The following AGBL4 variants were observed in gnomAD, a reference collection of about 807,000 sequenced individuals.
AGBL4 encodes the protein cytosolic carboxypeptidase 6.
AGBL4 carries 58 observed loss-of-function variants against 66.4 expected under a neutral mutation model. That is an observed-to-expected ratio of 0.87 (90% CI 0.71 to 1.09). The LOEUF (loss-of-function observed/expected upper bound fraction) is 1.09. Among genes scored for constraint, AGBL4 ranks in the 50% least tolerant of loss-of-function variants. AGBL4 has a pLI of 0.00. For missense variants in AGBL4, 579 were observed against 631.0 expected (o/e 0.92, Z 0.88); for synonymous variants, 234 against 222.9 (o/e 1.05, Z -0.44).
intron 3 of AGBL4, among the ~76,000 whole-genome samples, chr1:49,512,869 A>C (rs751546029): frequency 1.3e-5 from 2 of 151,962 alleles, no homozygotes; most frequent in African/African-American, 2.4e-5. Flanking sequence ...AAAAAAGTAG[A>C]ATAAAACTAC....
chr1:49,691,050 A>G (rs1646877291), intron 3 of AGBL4, among the ~76,000 whole-genome samples: 1 of 152,162 alleles, frequency 6.6e-6, no homozygotes, highest in Non-Finnish European at 1.5e-5. Flanking sequence ...GAGCATCAAT[A>G]ACAGGTTTTG....
chr1:48,692,305 A>G (rs1204232562), intron 6 of AGBL4, among the ~76,000 whole-genome samples: 1 of 152,178 alleles, frequency 6.6e-6, no homozygotes, highest in African/African-American at 2.4e-5. Flanking sequence ...TACGAGCTCT[A>G]AAGAGGCACT....
chr1:49,534,732 C>G (rs1651433951), intron 3 of AGBL4, among the ~76,000 whole-genome samples: 1 of 152,182 alleles, frequency 6.6e-6, no homozygotes, highest in Admixed American at 6.5e-5. Context: ...TGAAGCTGAA[C>G]ACTCCCTGTA....
intron 2 of AGBL4, among the ~76,000 whole-genome samples, chr1:49,817,449 G>T (rs975809368): frequency 6.6e-6 from 1 of 152,062 alleles, no homozygotes; most frequent in African/African-American, 2.4e-5. Flanking sequence ...AATTTTCCTT[G>T]AAAAATAGTC....
At position 48,538,892 on chromosome 1, in the gene AGBL4, G is replaced by A. The variant is rs530307313; in HGVS notation, c.1364+750C>T. Among the ~76,000 whole-genome samples, 4 of 152,320 alleles carry A rather than the reference G, an allele frequency of 2.6e-5. No individual in the cohort carries two copies. In the South Asian group the frequency reaches 6.2e-4, roughly 24 times the overall value. ...CATTGTCATGTCCTTCAAGTAGGATGGACCACTGAAGGAGTGGGAGATGAG... is the reference window on the plus strand; with the variant it reads ...CATTGTCATGTCCTTCAAGTAGGATAGACCACTGAAGGAGTGGGAGATGAG... On this transcript the variant is annotated intron_variant, in intron 12 of 13. Transcript: ENST00000371839.
intron 3 of AGBL4, among the ~76,000 whole-genome samples, chr1:49,413,727 T>C (rs763614623): frequency 1.3e-5 from 2 of 152,218 alleles, no homozygotes; most frequent in Non-Finnish European, 2.9e-5. Flanking sequence ...TTGCCTGATC[T>C]ATACAAGGCT....
chr1:49,466,635 A>G (rs539726501), intron 3 of AGBL4, among the ~76,000 whole-genome samples: 3 of 151,802 alleles, frequency 2.0e-5, no homozygotes, highest in Non-Finnish European at 4.4e-5. Context: ...TTCTGGCTCC[A>G]TTGAGTTTAT....
chr1:49,117,412 G>A (rs1009918172), intron 4 of AGBL4, among the ~76,000 whole-genome samples: 4 of 152,092 alleles, frequency 2.6e-5, no homozygotes, highest in Non-Finnish European at 4.4e-5. Flanking sequence ...TGTAAGGAGG[G>A]GATCCAGTTT....
At chr1:49,706,064 A>T (rs1216244208) in intron 2 of AGBL4, among the ~76,000 whole-genome samples, 1 of 152,154 alleles carries the variant, frequency 6.6e-6, no homozygotes, top group Non-Finnish European at 1.5e-5. Flanking sequence ...TGGACTCATA[A>T]AATGAATTGC....
chr1:49,735,309 GTGT>G (rs1558203513), intron 2 of AGBL4, among the ~76,000 whole-genome samples: 3 of 150,574 alleles, frequency 2.0e-5, no homozygotes, highest in African/African-American at 7.3e-5. Context: ...GTGTGTGTGT[GTGT>G]GTGTGTGTGT....
chr1:49,604,474 C>T (rs1282602326), intron 3 of AGBL4, among the ~76,000 whole-genome samples: 1 of 152,118 alleles, frequency 6.6e-6, no homozygotes, highest in African/African-American at 2.4e-5. Context: ...GGATATTAGT[C>T]TTTTGTCAGA....
At chr1:49,388,044 A>G (rs545868387) in intron 3 of AGBL4, among the ~76,000 whole-genome samples, 3 of 152,094 alleles carry the variant, frequency 2.0e-5, no homozygotes, top group African/African-American at 7.2e-5. Context: ...TACACAAAAA[A>G]CACATAGGAC....
intron 2 of AGBL4, among the ~76,000 whole-genome samples, chr1:49,803,776 A>G (rs920613570): frequency 3.9e-5 from 6 of 152,246 alleles, no homozygotes; most frequent in Non-Finnish European, 7.3e-5. Flanking sequence ...CATCAGTATC[A>G]TAATTATTAT....
intron 4 of AGBL4, among the ~76,000 whole-genome samples, chr1:49,131,077 A>G (rs1645884154): frequency 6.6e-6 from 1 of 152,132 alleles, no homozygotes; most frequent in South Asian, 2.1e-4. Flanking sequence ...CTACTCAGCA[A>G]TTCAATAAAT....
intron 1 of AGBL4, among the ~76,000 whole-genome samples, chr1:49,957,221 TATGTCAAAGA>T (rs1235235179): frequency 3.3e-5 from 5 of 151,926 alleles, no homozygotes; most frequent in African/African-American, 1.2e-4. Flanking sequence ...ATACAAAGAA[TATGTCAAAGA>T]AAATTAAAGC....
chr1:48,994,043 G>C (rs557696257), intron 5 of AGBL4, among the ~76,000 whole-genome samples: 4 of 152,294 alleles, frequency 2.6e-5, no homozygotes, highest in African/African-American at 9.6e-5. Context: ...AGGATGATCA[G>C]TGGAGGCTTC....
intron 3 of AGBL4, among the ~76,000 whole-genome samples, chr1:49,651,784 G>T (rs1646011480): frequency 6.6e-6 from 1 of 152,132 alleles, no homozygotes; most frequent in African/African-American, 2.4e-5. Flanking sequence ...ATTAGTGCAA[G>T]AACTCTGGCA....
At chr1:49,236,646 T>C (rs555156104) in intron 4 of AGBL4, among the ~76,000 whole-genome samples, 3 of 152,298 alleles carry the variant, frequency 2.0e-5, no homozygotes, top group South Asian at 2.1e-4. Context: ...AAAGACTGCA[T>C]CTTTTATTAG....
chr1:48,619,678 T>C (rs1436843563), intron 9 of AGBL4, among the ~76,000 whole-genome samples: 2 of 152,226 alleles, frequency 1.3e-5, no homozygotes, highest in Non-Finnish European at 2.9e-5. Flanking sequence ...AAAGAAGTTT[T>C]CCTCTTGTAA....
Sources: allele counts gnomAD v4.1 joint callset (sites outside exome capture counted in the v4.1 genomes callset), GRCh38; gene constraint gnomAD v4.1.1; transcripts MANE v1.5; gene names NCBI Gene and HGNC (gene_info 2026-07-23, HGNC 2026-07-21).